The following MARK1 variants were observed in gnomAD, a reference collection of about 807,000 sequenced individuals.
MARK1 encodes the protein serine/threonine-protein kinase MARK1.
Under a neutral mutation model 96.3 loss-of-function variants are expected in MARK1, and 40 were observed. The observed-to-expected ratio is 0.42, with a 90% CI of 0.32 to 0.54. MARK1 has a LOEUF of 0.54. MARK1 is among the 20% of genes least tolerant of loss of function. The pLI is 0.16. For synonymous variants in MARK1, 317 were observed against 341.2 expected, an observed-to-expected ratio of 0.93 and a Z score of 0.78; for missense variants, 719 against 984.6, an observed-to-expected ratio of 0.73 and a Z score of 3.61.
intron 1 of MARK1, among the ~76,000 whole-genome samples, chr1:220,569,415 C>T (rs1186812771): frequency 6.6e-6 from 1 of 151,900 alleles, no homozygotes; most frequent in East Asian, 1.9e-4. Context: ...TTAGTGACTT[C>T]TATTTTATGT....
intron 9 of MARK1, chr1:220,626,651 G>A (rs536437234): frequency 5.5e-5 from 19 of 348,586 alleles, no homozygotes; most frequent in South Asian, 2.1e-4. Flanking sequence ...GTGAAACCCC[G>A]CATCTACTAA....
chr1:220,547,104 A>C (rs1227949011), intron 1 of MARK1, among the ~76,000 whole-genome samples: 1 of 152,166 alleles, frequency 6.6e-6, no homozygotes, highest in Non-Finnish European at 1.5e-5. Context: ...TTACTGGTAC[A>C]TCTCATTTTG....
chr1:220,593,098 A>G (rs1012305571), intron 3 of MARK1, among the ~76,000 whole-genome samples: 2 of 152,232 alleles, frequency 1.3e-5, no homozygotes, highest in African/African-American at 4.8e-5. Context: ...TAATACAAAT[A>G]AATTACAAAT....
chr1:220,579,627 C>A, intron 2 of MARK1, 70 bp downstream of exon 2: 1 of 1,270,370 alleles, frequency 7.9e-7, no homozygotes, highest in Non-Finnish European at 1.1e-6. Flanking sequence ...TTCCTTATAG[C>A]CCATGTTTGG....
At chr1:220,596,368 G>A (rs1358905609) in intron 3 of MARK1, among the ~76,000 whole-genome samples, 4 of 152,162 alleles carry the variant, frequency 2.6e-5, no homozygotes, top group African/African-American at 4.8e-5. Flanking sequence ...AGGTTAACCC[G>A]TATGCTCTTT....
intron 5 of MARK1, 103 bp from the exon 6 acceptor site, chr1:220,603,964 G>T: frequency 8.1e-6 from 5 of 620,898 alleles, no homozygotes; most frequent in Non-Finnish European, 1.1e-5. Flanking sequence ...GAAAATTGTG[G>T]GCCAAAAGTT....
chr1:220,624,814 T>G (rs1016644225), intron 9 of MARK1, among the ~76,000 whole-genome samples: 2 of 152,232 alleles, frequency 1.3e-5, no homozygotes, highest in South Asian at 4.1e-4. Flanking sequence ...TCAAATCTGC[T>G]ATTGCTCCTA....
chr1:220,540,641 G>A (rs144512770), intron 1 of MARK1, among the ~76,000 whole-genome samples: 2,354 of 152,162 alleles, frequency 0.015, 33 homozygotes, highest in Middle Eastern at 0.044. Flanking sequence ...ATTATTCATG[G>A]TAGTATCTTA....
At chr1:220,646,357 G>A (rs1336975438) in intron 13 of MARK1, among the ~76,000 whole-genome samples, 2 of 152,092 alleles carry the variant, frequency 1.3e-5, no homozygotes, top group Non-Finnish European at 2.9e-5. Flanking sequence ...AGCAACGGAA[G>A]TGAGGGACCT....
At chr1:220,642,809 G>A (rs1168897692) in intron 13 of MARK1, among the ~76,000 whole-genome samples, 1 of 152,148 alleles carries the variant, frequency 6.6e-6, no homozygotes, top group Non-Finnish European at 1.5e-5. Flanking sequence ...CTCCACTGGT[G>A]ATACCCAGGC....
At chr1:220,564,323 T>C (rs150205852) in intron 1 of MARK1, among the ~76,000 whole-genome samples, 1 of 152,200 alleles carries the variant, frequency 6.6e-6, no homozygotes, top group Non-Finnish European at 1.5e-5. Context: ...TAGGGCTGTA[T>C]GTATTTGGAT....
At chr1:220,636,960 T>C (rs956671020) in intron 13 of MARK1, among the ~76,000 whole-genome samples, 9 of 150,626 alleles carry the variant, frequency 6.0e-5, no homozygotes, top group African/African-American at 1.5e-4. Flanking sequence ...AATAGCAACA[T>C]GGATACAGTA....
In MARK1 at chr1:220,635,605, C is replaced by A. The variant is rs182434022; in HGVS notation, c.1276+76C>A. 281 of 1,473,666 alleles carry A rather than the reference C, an allele frequency of 1.9e-4. 1 individual carries two copies. The African/African-American group carries it at 3.7e-3, about 19-fold the overall frequency. The allele number at this position is 1,473,666 out of a possible 1,614,324, so 91.3% of individuals were successfully genotyped here. On this transcript the variant is annotated intron_variant, in intron 12 of 17. Coordinates refer to ENST00000366917, the MANE Select transcript of MARK1 (RefSeq NM_018650.5). ...TTGTGTTTTTAAAGCATTGTACATT[C>A]ACGTCTCTATGTGCTTGTGTTATCT...
chr1:220,575,344 G>A (rs1446987184), intron 1 of MARK1, among the ~76,000 whole-genome samples: 2 of 152,216 alleles, frequency 1.3e-5, no homozygotes, highest in South Asian at 2.1e-4. Flanking sequence ...TCATAGACAT[G>A]CTGTAATTGA....
chr1:220,574,254 TGTG>T (rs974184865), intron 1 of MARK1, among the ~76,000 whole-genome samples: 8 of 152,254 alleles, frequency 5.3e-5, no homozygotes, highest in African/African-American at 1.9e-4. Flanking sequence ...CAGCCTGCGT[TGTG>T]GTGGCCAACA....
rs1440544951 is a variant in MARK1 at position 220,632,268 on chromosome 1, T to G, written c.1077T>G (p.Asp359Glu). Residue 359 changes from aspartate (D) to glutamate (E), a missense_variant, in exon 11 of 18, where the codon GAT becomes GAG. Asp to Glu is a conservative substitution (Grantham distance 45, BLOSUM62 2). Around this residue, in one of 4 missense-constraint regions of MARK1, gnomAD observed 501 missense variants for 588.3 expected, o/e 0.85. Coordinates refer to ENST00000366917, the MANE Select transcript of MARK1 (RefSeq NM_018650.5). The stretch of plus-strand genomic sequence containing the variant: ...ATGCCTTAATAAATCAGAAGTATGA[T>G]GAAGTTATGGCTACTTATATTCTTC... ...INDALINQKYDEVMATYILLG... is the reference protein window; with the variant it reads ...INDALINQKYEEVMATYILLG... 44 of 1,569,926 alleles carry G rather than the reference T, an allele frequency of 2.8e-5. No homozygotes were observed. The highest frequency in any genetic ancestry group is 3.6e-5 in the Non-Finnish European group (42 of 1,159,784).
At chr1:220,645,050 A>G (rs543290220) in intron 13 of MARK1, among the ~76,000 whole-genome samples, 7 of 152,328 alleles carry the variant, frequency 4.6e-5, no homozygotes, top group African/African-American at 1.7e-4. Context: ...CCCCTGAGCT[A>G]GCAGACAAGA....
chr1:220,619,514 A>G (rs1462759484), intron 9 of MARK1, among the ~76,000 whole-genome samples: 2 of 152,184 alleles, frequency 1.3e-5, no homozygotes, highest in East Asian at 3.8e-4. Context: ...GAAACCTCTC[A>G]ACTTTAGTAA....
intron 6 of MARK1, among the ~76,000 whole-genome samples, chr1:220,606,723 T>G (rs1002420308): frequency 6.6e-6 from 1 of 152,210 alleles, no homozygotes; most frequent in East Asian, 1.9e-4. Flanking sequence ...GGGATCCAGT[T>G]TCAGCTTTCT....
Sources: allele counts gnomAD v4.1 joint callset (sites outside exome capture counted in the v4.1 genomes callset), GRCh38; gene constraint gnomAD v4.1.1; regional missense constraint gnomAD v4.1.1; transcripts MANE v1.5; gene names NCBI Gene and HGNC (gene_info 2026-07-23, HGNC 2026-07-21).